Variants in ATRNL1 observed in about 807,000 individuals in gnomAD.
The protein encoded by ATRNL1 is attractin-like protein 1.
Under a neutral mutation model 182.7 loss-of-function variants are expected in ATRNL1, and 95 were observed. The ratio of observed to expected loss-of-function variants is 0.52; its 90% CI spans 0.44 to 0.62. The LOEUF is 0.62. ATRNL1 is among the 20% of genes least tolerant of loss of function. The probability of loss-of-function intolerance (pLI) is 0.00; values close to 1 mark genes in which losing one functional copy is unlikely to be tolerated. For synonymous variants in ATRNL1, 576 were observed against 568.3 expected (o/e 1.01, Z -0.19); for missense variants, 1,471 against 1,679.5 (o/e 0.88, Z 2.17).
At chr10:115,803,071 A>G (rs1356778472) in intron 27 of ATRNL1, among the ~76,000 whole-genome samples, 5 of 152,234 alleles carry the variant, frequency 3.3e-5, no homozygotes, top group East Asian at 3.8e-4. Context: ...CTATCAGGAC[A>G]TAATAAAAGC....
At chr10:115,338,266 C>G (rs1444758563) in intron 19 of ATRNL1, among the ~76,000 whole-genome samples, 1 of 152,184 alleles carries the variant, frequency 6.6e-6, no homozygotes, top group East Asian at 1.9e-4. Context: ...CATGGAATTG[C>G]TGGATCATAC....
chr10:115,525,987 C>T (rs1851194463), intron 25 of ATRNL1, among the ~76,000 whole-genome samples: 1 of 151,912 alleles, frequency 6.6e-6, no homozygotes, highest in Non-Finnish European at 1.5e-5. Flanking sequence ...TGATTTAATC[C>T]CCCTAATCAG....
chr10:115,461,054 C>T (rs1304674452), intron 21 of ATRNL1, among the ~76,000 whole-genome samples: 2 of 151,712 alleles, frequency 1.3e-5, no homozygotes, highest in Non-Finnish European at 2.9e-5. Context: ...AGTAAGCATA[C>T]GAATAATGCC....
chr10:115,548,630 A>T (rs1201863053), intron 25 of ATRNL1, among the ~76,000 whole-genome samples: 1 of 152,188 alleles, frequency 6.6e-6, no homozygotes, highest in African/African-American at 2.4e-5. Context: ...TGTCATTTTG[A>T]GATTTGTCAG....
intron 1 of ATRNL1, among the ~76,000 whole-genome samples, chr10:115,096,416 G>C (rs2085012068): frequency 6.6e-6 from 1 of 152,054 alleles, no homozygotes; most frequent in Non-Finnish European, 1.5e-5. Flanking sequence ...ACCTATGAAA[G>C]GTTTATTTGA....
chr10:115,650,610 A>G (rs1168038116), intron 26 of ATRNL1, among the ~76,000 whole-genome samples: 2 of 152,102 alleles, frequency 1.3e-5, no homozygotes, highest in Admixed American at 6.6e-5. Context: ...TGATTTAAAA[A>G]GATTTTCAAA....
At chr10:115,095,384 ACTT>A (rs1564730879) in intron 1 of ATRNL1, among the ~76,000 whole-genome samples, 6 of 149,962 alleles carry the variant, frequency 4.0e-5, no homozygotes, top group East Asian at 3.9e-4. Context: ...TTAAAAAAAA[ACTT>A]ACTATTACTG....
intron 14 of ATRNL1, 100 bp from the exon 15 acceptor site, chr10:115,286,116 C>T: frequency 1.6e-6 from 1 of 606,748 alleles, no homozygotes; most frequent in Non-Finnish European, 2.9e-6. Flanking sequence ...TGTTTTATTT[C>T]AAAAATAATT....
intron 24 of ATRNL1, among the ~76,000 whole-genome samples, chr10:115,472,902 A>AT (rs782049563): frequency 5.4e-4 from 81 of 151,130 alleles, no homozygotes; most frequent in Non-Finnish European, 1.1e-3. Flanking sequence ...GAAACTGGGC[A>AT]TTTTTGTTTC....
intron 19 of ATRNL1, among the ~76,000 whole-genome samples, chr10:115,341,712 A>G (rs1180497370): frequency 6.6e-6 from 1 of 152,134 alleles, no homozygotes; most frequent in Non-Finnish European, 1.5e-5. Context: ...GTGTATACAT[A>G]TGTTTAAAAC....
intron 24 of ATRNL1, among the ~76,000 whole-genome samples, chr10:115,512,276 T>A (rs1300883849): frequency 1.3e-5 from 2 of 151,880 alleles, no homozygotes; most frequent in Non-Finnish European, 2.9e-5. Flanking sequence ...GCCGTTATTG[T>A]CTCACTGTTT....
chr10:115,334,990 T>C (rs932925191), intron 19 of ATRNL1, among the ~76,000 whole-genome samples: 4 of 152,130 alleles, frequency 2.6e-5, no homozygotes, highest in African/African-American at 9.7e-5. Context: ...TGAGTTGTTG[T>C]AAAGGTCAAA....
chr10:115,134,285 A>G (rs1359436692), intron 5 of ATRNL1, among the ~76,000 whole-genome samples: 4 of 152,138 alleles, frequency 2.6e-5, no homozygotes, highest in Non-Finnish European at 5.9e-5. Flanking sequence ...TTGATAGACC[A>G]TTAGCAAGAC....
At chr10:115,668,850 T>G (rs1945597838) in intron 26 of ATRNL1, among the ~76,000 whole-genome samples, 1 of 152,114 alleles carries the variant, frequency 6.6e-6, no homozygotes, top group South Asian at 2.1e-4. Flanking sequence ...TTTTAACAAT[T>G]GAAATTTAAA....
At chr10:115,318,580 A>G (rs1051739815) in intron 18 of ATRNL1, among the ~76,000 whole-genome samples, 2 of 152,072 alleles carry the variant, frequency 1.3e-5, no homozygotes, top group African/African-American at 2.4e-5. Flanking sequence ...TTACTGGTCT[A>G]TTCAGGGATT....
chr10:115,776,852 G>A (rs1417175437), intron 27 of ATRNL1, among the ~76,000 whole-genome samples: 1 of 152,094 alleles, frequency 6.6e-6, no homozygotes, highest in South Asian at 2.1e-4. Context: ...AGCAGGGTTA[G>A]CATCTTAAGA....
At chr10:115,528,480 T>C (rs1851375854) in intron 25 of ATRNL1, among the ~76,000 whole-genome samples, 1 of 152,092 alleles carries the variant, frequency 6.6e-6, no homozygotes. Flanking sequence ...ACCCGACTTT[T>C]CATTTCTAAA....
intron 26 of ATRNL1, among the ~76,000 whole-genome samples, chr10:115,681,987 A>G (rs1565280386): frequency 1.3e-5 from 2 of 152,168 alleles, no homozygotes; most frequent in Non-Finnish European, 2.9e-5. Flanking sequence ...TGGTCAAACA[A>G]GGTGTTAACT....
intron 8 of ATRNL1, among the ~76,000 whole-genome samples, chr10:115,198,294 G>T (rs1480746989): frequency 6.6e-6 from 1 of 151,850 alleles, no homozygotes; most frequent in Admixed American, 6.6e-5. Flanking sequence ...TATACCTGTT[G>T]GGCATTTGTG....
Sources: gnomAD v4.1 joint callset for allele counts (sites outside exome capture counted in the v4.1 genomes callset) on GRCh38, gnomAD v4.1.1 for gene constraint, MANE v1.5 for transcripts, NCBI Gene and HGNC (gene_info 2026-07-23, HGNC 2026-07-21) for gene names.